Variants in ARHGEF10 observed in about 807,000 individuals in gnomAD.
ARHGEF10 encodes the protein Rho guanine nucleotide exchange factor (GEF) 10.
A neutral mutation model predicts 147.4 loss-of-function variants in ARHGEF10; 140 were observed. The observed-to-expected ratio is 0.95, with a 90% CI of 0.83 to 1.09. The LOEUF (loss-of-function observed/expected upper bound fraction) is 1.09, where lower values mean the gene tolerates loss of function less well. ARHGEF10 is among the 50% of genes least tolerant of loss of function. The pLI is 0.00. For missense variants in ARHGEF10, 2,222 were observed against 1,752.7 expected, an observed-to-expected ratio of 1.27 and a Z score of -4.78; for synonymous variants, 902 against 695.8, an observed-to-expected ratio of 1.30 and a Z score of -4.67.
intron 10 of ARHGEF10, 116 bp from the exon 11 acceptor site, chr8:1,885,485 C>G (rs1265432815): frequency 7.0e-6 from 5 of 717,772 alleles, no homozygotes; most frequent in Non-Finnish European, 1.2e-5. Context: ...GTCAAGTAAG[C>G]ATGGAAAATT....
intron 2 of ARHGEF10, among the ~76,000 whole-genome samples, chr8:1,843,807 G>C (rs1183285008): frequency 6.6e-6 from 1 of 152,154 alleles, no homozygotes; most frequent in Non-Finnish European, 1.5e-5. Context: ...AGCTCAGCTC[G>C]CCCATGGCGG....
intron 7 of ARHGEF10, among the ~76,000 whole-genome samples, chr8:1,875,552 C>T (rs150203805): frequency 6.6e-6 from 1 of 152,322 alleles, no homozygotes; most frequent in Non-Finnish European, 1.5e-5. Context: ...CCGTGGCACA[C>T]AGAACACACT....
intron 3 of ARHGEF10, 69 bp from the exon 4 acceptor site, chr8:1,859,828 G>C (rs948212046): frequency 6.3e-7 from 1 of 1,586,988 alleles, no homozygotes; most frequent in Non-Finnish European, 8.6e-7. Flanking sequence ...TCCCACTTGC[G>C]CTCCAGGAGG....
At chr8:1,857,422 C>CT (rs60823878) in intron 2 of ARHGEF10, among the ~76,000 whole-genome samples, 4,049 of 137,316 alleles carry the variant, frequency 0.029, 73 homozygotes, top group Non-Finnish European at 0.043. Context: ...GTTTTCTTTT[C>CT]TTTTTTTTTT....
intron 8 of ARHGEF10, among the ~76,000 whole-genome samples, chr8:1,879,249 C>T (rs1032112812): frequency 6.6e-6 from 1 of 152,098 alleles, no homozygotes; most frequent in Non-Finnish European, 1.5e-5. Flanking sequence ...TCCCCAGTCC[C>T]GTCAGTTAGA....
chr8:1,919,283 G>C (rs867377365), intron 18 of ARHGEF10, among the ~76,000 whole-genome samples: 3 of 148,668 alleles, frequency 2.0e-5, no homozygotes, highest in Middle Eastern at 3.6e-3. Flanking sequence ...TGTTCTGTGG[G>C]TGATGAGTTG....
In ARHGEF10 at chr8:1,828,832, G is replaced by A. The variant is rs1802919965; in HGVS notation, c.-48+4719G>A. On this transcript the variant is annotated intron_variant, in intron 1 of 28. Coordinates refer to ENST00000349830, the MANE Select transcript of ARHGEF10 (RefSeq NM_014629.4). Reference sequence around the variant, plus strand: ...TGGCATGCACACTTACGGTTTTAAGGAATTACATTTTGATAAACTGTGGCA... The same window carrying A: ...TGGCATGCACACTTACGGTTTTAAGAAATTACATTTTGATAAACTGTGGCA... 2.0e-5 allele frequency among the ~76,000 whole-genome samples: 3 copies of A among 152,302 alleles called. No homozygotes were observed. In the South Asian group the frequency reaches 6.2e-4, roughly 32 times the overall value.
intron 1 of ARHGEF10, among the ~76,000 whole-genome samples, chr8:1,831,164 CAG>C (rs1003424664): frequency 6.6e-6 from 1 of 151,980 alleles, no homozygotes; most frequent in Admixed American, 6.5e-5. Context: ...GGCCATGTGA[CAG>C]AGAGCTGTAG....
At chr8:1,833,014 ACAGAGG>A (rs1563149314) in intron 1 of ARHGEF10, among the ~76,000 whole-genome samples, 5 of 111,600 alleles carry the variant, frequency 4.5e-5, no homozygotes, top group African/African-American at 1.1e-4. Flanking sequence ...GCAGAGAGAG[ACAGAGG>A]CAGAGACAGG....
At chr8:1,858,237 T>TGGGTCCCCAGGTGAGTCCCCTGGG (rs988355139) in intron 3 of ARHGEF10, 122 bp downstream of exon 3, 2 of 886,478 alleles carry the variant, frequency 2.3e-6, no homozygotes, top group Non-Finnish European at 3.3e-6. Context: ...AGTCCCCAGG[T>TGGGTCCCCAGGTGAGTCCCCTGGG]GGGTCCCCAG....
At chr8:1,892,886 C>A (rs1809661055) in intron 11 of ARHGEF10, among the ~76,000 whole-genome samples, 1 of 152,144 alleles carries the variant, frequency 6.6e-6, no homozygotes, top group Non-Finnish European at 1.5e-5. Flanking sequence ...CGGGCGTCCT[C>A]ATAGGCCTTT....
chr8:1,866,656 A>G, intron 6 of ARHGEF10, 54 bp downstream of exon 6: 1 of 1,540,856 alleles, frequency 6.5e-7, no homozygotes. Flanking sequence ...CACAGACGTC[A>G]CTGCGGCGGG....
At chr8:1,872,682 A>G (rs1251487193) in intron 7 of ARHGEF10, among the ~76,000 whole-genome samples, 1 of 152,236 alleles carries the variant, frequency 6.6e-6, no homozygotes, top group Non-Finnish European at 1.5e-5. Flanking sequence ...TCCAACATTA[A>G]AAACTGCTGA....
intron 7 of ARHGEF10, chr8:1,870,275 A>T (rs1807004601): frequency 8.1e-6 from 1 of 123,704 alleles, no homozygotes. Context: ...GGATTGGTCC[A>T]GTTTGCGTTT....
At chr8:1,849,234 G>A (rs1010474551) in intron 2 of ARHGEF10, among the ~76,000 whole-genome samples, 4 of 151,986 alleles carry the variant, frequency 2.6e-5, no homozygotes, top group South Asian at 2.1e-4. Flanking sequence ...AGGGTGTGGG[G>A]CGGCTGCGGG....
At position 1,929,422 on chromosome 8, in the gene ARHGEF10, G is replaced by T; in HGVS notation, c.3058G>T (p.Ala1020Ser). ...CGCTGGCCTGGTCAACGGGGCAGTC[G>T]CCAGCTACGCCAGAGCCCCAGGTGA... is the stretch of plus-strand genomic sequence containing the variant. ...LYAGLVNGAVASYARAPDGSW... is the reference protein window; with the variant it reads ...LYAGLVNGAVSSYARAPDGSW... The change falls in exon 25 of 29, where the codon GCC becomes TCC. Residue 1020 changes from alanine (A) to serine (S), a missense_variant. Ala to Ser is a moderately conservative substitution (Grantham distance 99). Coordinates refer to ENST00000349830, the MANE Select transcript of ARHGEF10 (RefSeq NM_014629.4). 2 of 1,609,364 alleles carry T rather than the reference G, an allele frequency of 1.2e-6. No individual in the cohort carries two copies. Among genetic ancestry groups the T allele is most frequent in the South Asian group, 1.1e-5 (1 of 90,692 alleles).
At chr8:1,894,625 T>C (rs1809825493) in intron 13 of ARHGEF10, 53 bp downstream of exon 13, 2 of 1,587,232 alleles carry the variant, frequency 1.3e-6, no homozygotes, top group Admixed American at 3.3e-5. Flanking sequence ...GCACCTGTCC[T>C]CTCTTCCCTT....
intron 16 of ARHGEF10, 114 bp downstream of exon 16, chr8:1,903,565 C>T (rs947861880): frequency 7.1e-6 from 10 of 1,402,510 alleles, no homozygotes; most frequent in Non-Finnish European, 9.8e-6. Flanking sequence ...TTCCCTTCGC[C>T]CAGAGTTCTT....
At chr8:1,926,345 A>G in intron 22 of ARHGEF10, 32 bp from the exon 23 acceptor site, 1 of 1,573,368 alleles carries the variant, frequency 6.4e-7, no homozygotes, top group Non-Finnish European at 8.8e-7. Context: ...GCTCTGTTTT[A>G]TATGTGAGCG....
Sources: allele counts gnomAD v4.1 joint callset (sites outside exome capture counted in the v4.1 genomes callset), GRCh38; gene constraint gnomAD v4.1.1; transcripts MANE v1.5; gene names NCBI Gene and HGNC (gene_info 2026-07-23, HGNC 2026-07-21).